Variants in LINGO1 observed in about 807,000 individuals in gnomAD.
The protein encoded by LINGO1 is leucine-rich repeat and immunoglobulin-like domain-containing nogo receptor-interacting protein 1.
LINGO1 carries 11 observed loss-of-function variants against 37.3 expected under a neutral mutation model. That is an observed-to-expected ratio of 0.29 (90% CI 0.19 to 0.49). The LOEUF is 0.49. Ranked by LOEUF, LINGO1 falls within the 20% of genes least tolerant of loss-of-function variation. LINGO1 has a pLI of 0.99. For synonymous variants in LINGO1, 387 were observed against 403.0 expected (o/e 0.96, Z 0.48); for missense variants, 585 against 878.2 (o/e 0.67, Z 4.22).
intron 1 of LINGO1, among the ~76,000 whole-genome samples, chr15:77,618,296 G>C (rs1264428954): frequency 6.6e-6 from 1 of 152,120 alleles, no homozygotes; most frequent in Non-Finnish European, 1.5e-5. Context: ...TGCACCACCG[G>C]GCCTCAACCT....
chr15:77,615,284 G>C lies in LINGO1; in HGVS notation c.623C>G (p.Thr208Ser). Reference protein sequence around the residue: ...LEKCNLTSIPTEALSHLHGLI... With the variant: ...LEKCNLTSIPSEALSHLHGLI... ...GCCGTGCAGGTGGGACAGCGCCTCGGTGGGGATGGAGGTCAGGTTGCATTT... is the reference window on the plus strand; with the variant it reads ...GCCGTGCAGGTGGGACAGCGCCTCGCTGGGGATGGAGGTCAGGTTGCATTT... Residue 208 changes from threonine (T) to serine (S), a missense_variant, in exon 2 of 2, where the codon ACC becomes AGC. Thr to Ser is a moderately conservative substitution (Grantham distance 58). Around this residue, in one of 4 missense-constraint regions of LINGO1, gnomAD observed 484 missense variants for 735.0 expected, o/e 0.66. Coordinates refer to ENST00000355300, the MANE Select transcript of LINGO1 (RefSeq NM_032808.7). The C allele has an allele frequency of 6.2e-7, 1 of 1,613,814 alleles. No homozygotes were observed. Among genetic ancestry groups the C allele is most frequent in the Non-Finnish European group, 8.5e-7 (1 of 1,179,896 alleles).
chr15:77,637,051 G>GAC (rs1301534805), upstream of LINGO1, among the ~76,000 whole-genome samples: 1 of 152,108 alleles, frequency 6.6e-6, no homozygotes, highest in African/African-American at 2.4e-5. The surrounding 1 kb of genome is among the most constrained non-coding windows in gnomAD (Gnocchi z 4.6). Flanking sequence ...CAGACTTGGG[G>GAC]ACACCAGCTT....
At chr15:77,657,020 C>G (rs2074880353) in intron 3 of LINGO1, among the ~76,000 whole-genome samples, 1 of 152,200 alleles carries the variant, frequency 6.6e-6, no homozygotes, top group Non-Finnish European at 1.5e-5. Context: ...TAAACTCTCC[C>G]CGTGCCCACC....
upstream of LINGO1, among the ~76,000 whole-genome samples, chr15:77,637,594 A>G (rs2074421072): frequency 6.6e-6 from 1 of 152,026 alleles, no homozygotes; most frequent in African/African-American, 2.4e-5. This position sits in a 1 kb window ranked among gnomAD's most constrained non-coding sequence, Gnocchi z 4.6. Flanking sequence ...GCTGGTATCT[A>G]CCTGATGCTG....
At chr15:77,757,188 G>A (rs2076428872) in intron 1 of LINGO1, among the ~76,000 whole-genome samples, 1 of 152,242 alleles carries the variant, frequency 6.6e-6, no homozygotes, top group African/African-American at 2.4e-5. Context: ...AGGCCTCTCT[G>A]GCTCCTCAGG....
chr15:77,721,657 G>A (rs559046269), intron 2 of LINGO1, among the ~76,000 whole-genome samples: 1 of 152,272 alleles, frequency 6.6e-6, no homozygotes, highest in East Asian at 1.9e-4. Flanking sequence ...TCCTGGTCCA[G>A]GCCTGCCCTA....
chr15:77,636,375 G>A (rs2074396401), upstream of LINGO1, among the ~76,000 whole-genome samples: 1 of 152,232 alleles, frequency 6.6e-6, no homozygotes, highest in Non-Finnish European at 1.5e-5. Context: ...GAAGGCACTT[G>A]AAATTAATGA....
Position 77,816,221 on chromosome 15 carries a change from G to A in LINGO1, c.-458+4037C>T, listed in dbSNP as rs150256123. 5.5e-3 allele frequency among the ~76,000 whole-genome samples: 843 copies of A among 152,302 alleles called. 7 individuals carry two copies. The highest frequency in any genetic ancestry group is 0.019 in the African/African-American group (789 of 41,560). ...CTGTTTCCCCTTTGAGAGCCCATCC[G>A]GGGAGGGGCCCAGGCTCATCACTGG... is the stretch of plus-strand genomic sequence containing the variant. On this transcript the variant is annotated intron_variant, in intron 1 of 5. Transcript: ENST00000562933.
chr15:77,703,609 T>C (rs2141278754), intron 2 of LINGO1, among the ~76,000 whole-genome samples: 1 of 152,288 alleles, frequency 6.6e-6, no homozygotes, highest in South Asian at 2.1e-4. Flanking sequence ...ATGTCAGGGA[T>C]GCTGGGAAGG....
intron 1 of LINGO1, among the ~76,000 whole-genome samples, chr15:77,817,635 G>A (rs952178729): frequency 2.0e-5 from 3 of 152,142 alleles, no homozygotes; most frequent in Non-Finnish European, 4.4e-5. Context: ...TTGTTCAACT[G>A]CCTCCAGCTG....
At position 77,613,497 on chromosome 15, in the gene LINGO1, TG is replaced by T. The variant is rs923735723; in HGVS notation, c.*546del. The T allele has an allele frequency of 1.9e-5, 3 of 155,226 alleles. No homozygotes were observed. Among genetic ancestry groups the T allele is most frequent in the Non-Finnish European group, 4.3e-5 (3 of 69,868 alleles). 9.6% of individuals were successfully genotyped at this position (155,226 alleles called of 1,614,324 possible). ...GCCTGGGGCGGGGTGGGCAGGTGGG[TG>T]GGGCTGGAACCTCCTTTCCTGTTTT... On this transcript the variant is annotated 3_prime_UTR_variant, in exon 2 of 2. Transcript: ENST00000355300.
rs936857270 is a variant in LINGO1, at chr15:77,660,485, G to A, written c.-13+16604C>T. Among the ~76,000 whole-genome samples the A allele has an allele frequency of 7.2e-5, 11 of 152,198 alleles. No individual in the cohort carries two copies. In the South Asian group the frequency reaches 2.1e-3, roughly 29 times the overall value. The stretch of plus-strand genomic sequence containing the variant: ...GCAGAGTCTCCCTTGCTCTCCCGAG[G>A]CGACCTCAGCAGATGCCTGACATGG... On this transcript the variant is annotated intron_variant, in intron 3 of 3. Coordinates refer to the LINGO1 transcript ENST00000559893.
At chr15:77,727,784 C>T (rs1326452744) in intron 2 of LINGO1, among the ~76,000 whole-genome samples, 1 of 151,938 alleles carries the variant, frequency 6.6e-6, no homozygotes, top group East Asian at 1.9e-4. Context: ...GCTTCATCCC[C>T]ATCCTATAGA....
At chr15:77,746,311 A>G (rs1440788594) in intron 1 of LINGO1, among the ~76,000 whole-genome samples, 1 of 152,194 alleles carries the variant, frequency 6.6e-6, no homozygotes, top group South Asian at 2.1e-4. Context: ...TATAAACAAC[A>G]TGAGTATAAG....
intron 1 of LINGO1, among the ~76,000 whole-genome samples, chr15:77,758,861 A>G (rs902610030): frequency 6.6e-6 from 1 of 150,620 alleles, no homozygotes; most frequent in African/African-American, 2.4e-5. Flanking sequence ...GGGGGCGGTC[A>G]GAAGCGGGGG....
rs2141307385 is a variant in LINGO1 at position 77,718,921 on chromosome 15, A to ATTTCTAGCAGCAAGAGAGGCTGGGGC, written c.-195+16045_-195+16070dup. Reference sequence around the variant, plus strand: ...AAGAAGCTCCTAACCTTATTTCCTCATTTCTAGCAGCAAGAGAGGCTGGGG... The same window carrying ATTTCTAGCAGCAAGAGAGGCTGGGGC: ...AAGAAGCTCCTAACCTTATTTCCTCATTTCTAGCAGCAAGAGAGGCTGGGGCTTTCTAGCAGCAAGAGAGGCTGGGG... On this transcript the variant is annotated intron_variant, in intron 2 of 3. Transcript: ENST00000561686. Among the ~76,000 whole-genome samples the ATTTCTAGCAGCAAGAGAGGCTGGGGC allele has an allele frequency of 1.3e-5, 2 of 150,672 alleles. 1 individual carries two copies. Among genetic ancestry groups the ATTTCTAGCAGCAAGAGAGGCTGGGGC allele is most frequent in the East Asian group, 4.2e-4 (2 of 4,744 alleles).
intron 1 of LINGO1, among the ~76,000 whole-genome samples, chr15:77,776,558 G>GAGTA (rs1174549228): frequency 1.6e-5 from 1 of 61,246 alleles, no homozygotes; most frequent in Non-Finnish European, 3.8e-5. Context: ...GGGAGGGAGG[G>GAGTA]AGCTGACTCT....
intron 1 of LINGO1, among the ~76,000 whole-genome samples, chr15:77,618,368 C>T (rs564140621): frequency 6.6e-6 from 1 of 152,340 alleles, no homozygotes; most frequent in African/African-American, 2.4e-5. Flanking sequence ...CCCACTTTGT[C>T]CTGCACACTC....
At chr15:77,800,815 C>T (rs1247658774) in intron 1 of LINGO1, among the ~76,000 whole-genome samples, 1 of 152,008 alleles carries the variant, frequency 6.6e-6, no homozygotes, top group Non-Finnish European at 1.5e-5. Flanking sequence ...ATGCAAAGAG[C>T]CCCTACAAAT....
Sources: allele counts gnomAD v4.1 joint callset (sites outside exome capture counted in the v4.1 genomes callset), GRCh38; gene constraint gnomAD v4.1.1; regional missense constraint gnomAD v4.1.1; non-coding constraint Gnocchi (gnomAD v3.1); transcripts MANE v1.5; gene names NCBI Gene and HGNC (gene_info 2026-07-23, HGNC 2026-07-21).